SIL1: variants seen among roughly 807,000 people sequenced by gnomAD.
SIL1 encodes the protein nucleotide exchange factor SIL1.
A neutral mutation model predicts 49.1 loss-of-function variants in SIL1; 40 were observed. The ratio of observed to expected loss-of-function variants is 0.81; its 90% CI spans 0.63 to 1.06. SIL1 has a LOEUF of 1.06. Among genes scored for constraint, SIL1 ranks in the 50% least tolerant of loss-of-function variants. SIL1 has a pLI of 0.00. For missense variants in SIL1, 500 were observed against 572.6 expected, an observed-to-expected ratio of 0.87 and a Z score of 1.29; for synonymous variants, 253 against 250.8, an observed-to-expected ratio of 1.01 and a Z score of -0.08.
At chr5:139,078,334 G>A (rs933775944) in intron 3 of SIL1, among the ~76,000 whole-genome samples, 3 of 151,754 alleles carry the variant, frequency 2.0e-5, no homozygotes, top group Non-Finnish European at 2.9e-5. Flanking sequence ...AATTGTAATT[G>A]ACAAAAAACT....
At chr5:139,158,096 C>A (rs1751439599) in intron 1 of SIL1, among the ~76,000 whole-genome samples, 1 of 152,118 alleles carries the variant, frequency 6.6e-6, no homozygotes, top group Admixed American at 6.6e-5. Flanking sequence ...ATCATTATTC[C>A]CCTATTACTG....
At chr5:139,053,797 G>A (rs1367747001) in intron 3 of SIL1, among the ~76,000 whole-genome samples, 1 of 152,198 alleles carries the variant, frequency 6.6e-6, no homozygotes, top group South Asian at 2.1e-4. Flanking sequence ...CTTCTGAAAG[G>A]CATCCTCTAT....
intron 7 of SIL1, among the ~76,000 whole-genome samples, chr5:138,967,524 C>T (rs1435903909): frequency 6.6e-6 from 1 of 152,176 alleles, no homozygotes; most frequent in East Asian, 1.9e-4. Flanking sequence ...AAAACCCAGA[C>T]CTACATGGCT....
chr5:139,138,739 T>C (rs980379332), intron 1 of SIL1, among the ~76,000 whole-genome samples: 5 of 152,150 alleles, frequency 3.3e-5, no homozygotes, highest in African/African-American at 1.2e-4. Context: ...TGAGGGCTCA[T>C]AAAGCTTATA....
At chr5:139,016,662 T>C (rs554124039) in intron 7 of SIL1, among the ~76,000 whole-genome samples, 91 of 152,182 alleles carry the variant, frequency 6.0e-4, no homozygotes, top group African/African-American at 2.1e-3. Flanking sequence ...TAAAGTTCCC[T>C]AAGGAAAGTG....
At chr5:139,055,882 G>A (rs1410684524) in intron 3 of SIL1, among the ~76,000 whole-genome samples, 2 of 151,988 alleles carry the variant, frequency 1.3e-5, no homozygotes, top group Admixed American at 6.5e-5. Context: ...TGTGTTGGCC[G>A]GGCCAGTCTC....
intron 1 of SIL1, among the ~76,000 whole-genome samples, chr5:139,188,850 C>G (rs973189853): frequency 6.6e-6 from 1 of 152,158 alleles, no homozygotes; most frequent in African/African-American, 2.4e-5. Flanking sequence ...ACACTGCCCC[C>G]GAAACAAGGC....
chr5:139,029,664 A>G (rs1191148684), intron 5 of SIL1, among the ~76,000 whole-genome samples: 1 of 151,360 alleles, frequency 6.6e-6, no homozygotes, highest in Non-Finnish European at 1.5e-5. Context: ...ACGCCTGGCT[A>G]AAATTTTTAG....
At chr5:139,186,854 G>GTATAAGGCTTA in intron 1 of SIL1, among the ~76,000 whole-genome samples, 1 of 152,324 alleles carries the variant, frequency 6.6e-6, no homozygotes, top group Admixed American at 6.5e-5. Flanking sequence ...CCAATTGAGT[G>GTATAAGGCTTA]TATAAGGCTT....
intron 3 of SIL1, among the ~76,000 whole-genome samples, chr5:139,055,383 T>C (rs4380651): frequency 0.43 from 65,512 of 151,814 alleles, 15,240 homozygotes; most frequent in African/African-American, 0.63. Context: ...CACCAATTTT[T>C]TTCCTCCCTG....
rs1238300227 is a variant in SIL1, at chr5:139,167,206, C to G, written c.-11+31063G>C. The stretch of plus-strand genomic sequence containing the variant: ...CTGGGCTCAAGTAACCCCCACCCCC[C>G]GCCTCAGCCTCCCAAAGTGCTGAAA... On this transcript the variant is annotated intron_variant, in intron 1 of 9. Transcript: ENST00000394817. Among the ~76,000 whole-genome samples, 5 of 152,120 alleles carry G rather than the reference C, an allele frequency of 3.3e-5. No individual in the cohort carries two copies. The East Asian group carries it at 5.8e-4, about 18-fold the overall frequency.
chr5:139,176,550 A>G (rs1561891717), intron 1 of SIL1, among the ~76,000 whole-genome samples: 1 of 152,208 alleles, frequency 6.6e-6, no homozygotes, highest in Non-Finnish European at 1.5e-5. Context: ...TATATAACAG[A>G]AATTTATTGC....
chr5:139,090,609 T>C (rs928657138), intron 3 of SIL1, among the ~76,000 whole-genome samples: 8 of 152,084 alleles, frequency 5.3e-5, no homozygotes, highest in African/African-American at 1.7e-4. Context: ...CTCAAATCTA[T>C]AGGGAAAGCA....
intron 1 of SIL1, among the ~76,000 whole-genome samples, chr5:139,182,576 A>C (rs2151820318): frequency 6.6e-6 from 1 of 152,360 alleles, no homozygotes; most frequent in African/African-American, 2.4e-5. Flanking sequence ...AAGGGAGCCA[A>C]GAGAATAAAA....
At chr5:139,160,793 G>A (rs1751496769) in intron 1 of SIL1, among the ~76,000 whole-genome samples, 1 of 151,920 alleles carries the variant, frequency 6.6e-6, no homozygotes, top group Non-Finnish European at 1.5e-5. Context: ...TCATGCCACA[G>A]CACTCCAGCC....
At chr5:139,109,632 C>T (rs1320829411) in intron 3 of SIL1, among the ~76,000 whole-genome samples, 1 of 150,032 alleles carries the variant, frequency 6.7e-6, no homozygotes. Context: ...GAAAACATAA[C>T]TACTCCCTTA....
At chr5:139,086,241 C>T (rs1009843475) in intron 3 of SIL1, among the ~76,000 whole-genome samples, 2 of 145,656 alleles carry the variant, frequency 1.4e-5, no homozygotes, top group Non-Finnish European at 3.0e-5. Context: ...CCACTGCACT[C>T]CAGCCTGAGC....
intron 3 of SIL1, among the ~76,000 whole-genome samples, chr5:139,052,243 G>C (rs1380210031): frequency 6.6e-6 from 1 of 152,102 alleles, no homozygotes; most frequent in African/African-American, 2.4e-5. Flanking sequence ...CCCCAATCAA[G>C]ATGCCAGGGA....
At chr5:138,951,907 C>T in intron 7 of SIL1, 23 bp from the exon 8 acceptor site, 1 of 1,591,816 alleles carries the variant, frequency 6.3e-7, no homozygotes, top group Non-Finnish European at 8.6e-7. Context: ...CACAGGACAG[C>T]ATGACTACCC....
Sources: gnomAD v4.1 joint callset for allele counts (sites outside exome capture counted in the v4.1 genomes callset) on GRCh38, gnomAD v4.1.1 for gene constraint, MANE v1.5 for transcripts, NCBI Gene and HGNC (gene_info 2026-07-23, HGNC 2026-07-21) for gene names.